SLC24A2: variants seen among roughly 807,000 people sequenced by gnomAD.
SLC24A2 encodes the protein sodium/potassium/calcium exchanger 2.
A neutral mutation model predicts 62.0 loss-of-function variants in SLC24A2; 36 were observed. The ratio of observed to expected loss-of-function variants is 0.58; its 90% CI spans 0.44 to 0.77. The LOEUF is 0.77. Ranked by LOEUF, SLC24A2 falls within the 30% of genes least tolerant of loss-of-function variation. The pLI, the probability that SLC24A2 is intolerant of heterozygous loss-of-function variation, is 0.00. For missense variants in SLC24A2, 846 were observed against 817.9 expected, an observed-to-expected ratio of 1.03 and a Z score of -0.42; for synonymous variants, 358 against 294.0, an observed-to-expected ratio of 1.22 and a Z score of -2.23.
the SLC24A2 span, among the ~76,000 whole-genome samples, chr9:20,087,787 C>G: frequency 6.6e-6 from 1 of 151,682 alleles, no homozygotes; most frequent in East Asian, 1.9e-4. Context: ...CTGAAACATC[C>G]AGGTACATGC....
At chr9:20,159,806 T>G in the SLC24A2 span, among the ~76,000 whole-genome samples, 6 of 151,688 alleles carry the variant, frequency 4.0e-5, no homozygotes, top group East Asian at 1.2e-3. Context: ...ATACAAGTAG[T>G]ATTTGGTATT....
chr9:20,152,350 C>T, the SLC24A2 span, among the ~76,000 whole-genome samples: 1 of 151,890 alleles, frequency 6.6e-6, no homozygotes, highest in South Asian at 2.1e-4. Flanking sequence ...ACGTATTTTG[C>T]AGACTTTAAA....
the SLC24A2 span, among the ~76,000 whole-genome samples, chr9:20,021,825 G>A: frequency 6.6e-6 from 1 of 151,994 alleles, no homozygotes; most frequent in Non-Finnish European, 1.5e-5. Flanking sequence ...TGGTCCCCAA[G>A]CAGCCGTCAT....
chr9:19,593,509 T>C (rs1037467811), intron 5 of SLC24A2, among the ~76,000 whole-genome samples: 2 of 152,158 alleles, frequency 1.3e-5, no homozygotes, highest in Admixed American at 6.5e-5. Flanking sequence ...TCAAACGTCA[T>C]GATTTTGTCT....
At chr9:20,247,235 A>C in the SLC24A2 span, among the ~76,000 whole-genome samples, 1 of 152,126 alleles carries the variant, frequency 6.6e-6, no homozygotes, top group South Asian at 2.1e-4. Context: ...CCACTAAAGA[A>C]CCAACAGATT....
the SLC24A2 span, among the ~76,000 whole-genome samples, chr9:20,159,260 A>G: frequency 2.6e-5 from 4 of 151,590 alleles, no homozygotes; most frequent in East Asian, 7.8e-4. Flanking sequence ...TTTTTCCCCC[A>G]TTAACGCCCC....
chr9:19,770,798 G>A (rs1173316071), intron 2 of SLC24A2, among the ~76,000 whole-genome samples: 1 of 152,188 alleles, frequency 6.6e-6, no homozygotes, highest in African/African-American at 2.4e-5. Flanking sequence ...GACTGATGAG[G>A]TTAAAGATAG....
chr9:19,526,982 C>A (rs955644130), intron 9 of SLC24A2, among the ~76,000 whole-genome samples: 1 of 152,128 alleles, frequency 6.6e-6, no homozygotes, highest in South Asian at 2.1e-4. Context: ...CAAACTCTTA[C>A]ATTTCAAACT....
chr9:19,754,980 T>C (rs975587951), intron 2 of SLC24A2, among the ~76,000 whole-genome samples: 8 of 152,126 alleles, frequency 5.3e-5, no homozygotes, highest in African/African-American at 1.9e-4. Flanking sequence ...TAAGATGGTT[T>C]CTATTTTCTG....
the SLC24A2 span, among the ~76,000 whole-genome samples, chr9:20,156,390 C>G: frequency 1.3e-5 from 2 of 151,688 alleles, no homozygotes; most frequent in East Asian, 3.9e-4. Flanking sequence ...AGACCTTATA[C>G]CATATCACAC....
chr9:19,756,053 T>C (rs1433147484), intron 2 of SLC24A2, among the ~76,000 whole-genome samples: 1 of 152,214 alleles, frequency 6.6e-6, no homozygotes, highest in Non-Finnish European at 1.5e-5. Flanking sequence ...AGGGCCAGGT[T>C]CCTGACCATG....
the SLC24A2 span, among the ~76,000 whole-genome samples, chr9:20,147,278 G>A: frequency 7.2e-5 from 11 of 152,090 alleles, no homozygotes; most frequent in African/African-American, 2.7e-4. Context: ...TCTGAGATTT[G>A]AGATTGCCTC....
the SLC24A2 span, among the ~76,000 whole-genome samples, chr9:19,999,250 T>A: frequency 6.6e-6 from 1 of 152,248 alleles, no homozygotes; most frequent in Non-Finnish European, 1.5e-5. Context: ...GCATTTATTA[T>A]CCATGTTCAT....
the SLC24A2 span, among the ~76,000 whole-genome samples, chr9:20,085,028 C>T: frequency 1.3e-5 from 2 of 152,258 alleles, no homozygotes; most frequent in Admixed American, 1.3e-4. Context: ...CAGGGTCTCA[C>T]TCTGTCACCT....
chr9:20,002,123 C>A, the SLC24A2 span, among the ~76,000 whole-genome samples: 2 of 152,106 alleles, frequency 1.3e-5, no homozygotes, highest in African/African-American at 2.4e-5. Context: ...TGTTTTAGTA[C>A]CACCACCTCT....
the SLC24A2 span, among the ~76,000 whole-genome samples, chr9:20,120,710 G>GA: frequency 3.0e-4 from 45 of 150,308 alleles, no homozygotes; most frequent in African/African-American, 9.3e-4. Context: ...AAAAGTTGGG[G>GA]AAAAAAAAAT....
intron 5 of SLC24A2, among the ~76,000 whole-genome samples, chr9:19,582,445 C>T (rs1206305928): frequency 6.6e-6 from 1 of 151,968 alleles, no homozygotes; most frequent in African/African-American, 2.4e-5. Flanking sequence ...ACAGAAACAA[C>T]GATGGGACAA....
chr9:20,253,718 C>G, the SLC24A2 span, among the ~76,000 whole-genome samples: 1 of 152,146 alleles, frequency 6.6e-6, no homozygotes. Flanking sequence ...CGTGAGTGAT[C>G]CAGTAGCAGA....
At chr9:20,299,645 G>C in the SLC24A2 span, among the ~76,000 whole-genome samples, 19 of 152,160 alleles carry the variant, frequency 1.2e-4, no homozygotes, top group African/African-American at 4.3e-4. Context: ...AAGGACTCAA[G>C]GACAATCCTC....
Sources: allele counts gnomAD v4.1 joint callset (sites outside exome capture counted in the v4.1 genomes callset), GRCh38; gene constraint gnomAD v4.1.1; transcripts MANE v1.5; gene names NCBI Gene and HGNC (gene_info 2026-07-23, HGNC 2026-07-21).